CUL1: variants seen among roughly 807,000 people sequenced by gnomAD.
The protein encoded by CUL1 is cullin 1, also known as cullin-1.
CUL1 carries 24 observed loss-of-function variants against 118.0 expected under a neutral mutation model. That is an observed-to-expected ratio of 0.20 (90% CI 0.15 to 0.29). The LOEUF (loss-of-function observed/expected upper bound fraction) is 0.29. CUL1 is among the 10% of genes least tolerant of loss of function. The pLI is 1.00. For missense variants in CUL1, 361 were observed against 933.8 expected, an observed-to-expected ratio of 0.39 and a Z score of 7.99; for synonymous variants, 332 against 340.4, an observed-to-expected ratio of 0.98 and a Z score of 0.27.
intron 2 of CUL1, among the ~76,000 whole-genome samples, chr7:148,734,944 C>A (rs1198905442): frequency 6.6e-6 from 1 of 152,042 alleles, no homozygotes; most frequent in Non-Finnish European, 1.5e-5. Flanking sequence ...AATAAATGTT[C>A]ATGAACTTTG....
chr7:148,728,075 GA>G (rs1798644152), intron 1 of CUL1, among the ~76,000 whole-genome samples: 1 of 152,106 alleles, frequency 6.6e-6, no homozygotes, highest in African/African-American at 2.4e-5. Flanking sequence ...TGGCGAGGAT[GA>G]TTACTAGAGG....
intron 2 of CUL1, among the ~76,000 whole-genome samples, chr7:148,748,064 A>G (rs554411815): frequency 1.3e-3 from 205 of 152,358 alleles, no homozygotes; most frequent in African/African-American, 4.8e-3. Flanking sequence ...TCAAGAATGT[A>G]TAACTCCAAA....
chr7:148,737,592 T>A (rs1584779555), intron 2 of CUL1, among the ~76,000 whole-genome samples: 1 of 148,092 alleles, frequency 6.8e-6, no homozygotes, highest in African/African-American at 2.5e-5. Flanking sequence ...ATTTATTTAT[T>A]TATTTATTTA....
intron 2 of CUL1, among the ~76,000 whole-genome samples, chr7:148,743,402 C>T (rs1475509936): frequency 6.6e-6 from 1 of 152,198 alleles, no homozygotes; most frequent in Non-Finnish European, 1.5e-5. Flanking sequence ...ATGGAGGCTA[C>T]AAATCAGGGC....
chr7:148,753,930 C>A (rs771704431), intron 2 of CUL1, 46 bp from the exon 3 acceptor site: 13 of 1,394,442 alleles, frequency 9.3e-6, no homozygotes, highest in Non-Finnish European at 1.3e-5. Flanking sequence ...TGTTAATGAC[C>A]GTTAACGTCT....
In CUL1 at chr7:148,800,929, G is replaced by C. The variant is rs1429888378; in HGVS notation, c.*347G>C. 9.9e-6 allele frequency: 2 copies of C among 201,164 alleles called. No individual in the cohort carries two copies. Among genetic ancestry groups the C allele is most frequent in the Non-Finnish European group, 2.0e-5 (2 of 99,772 alleles). 12.5% of individuals were successfully genotyped at this position (201,164 alleles called of 1,614,324 possible). ...ACTTGTCACGTTGGCAGCACTTTGA[G>C]AGCAAGTCTGAGTGGACCCACATGT... On this transcript the variant is annotated 3_prime_UTR_variant, in exon 22 of 22. Transcript: ENST00000325222. This position sits in a 1 kb window ranked among gnomAD's most constrained non-coding sequence, Gnocchi z 4.6.
chr7:148,766,844 A>G (rs150286594), intron 8 of CUL1, 121 bp downstream of exon 8: 109 of 861,370 alleles, frequency 1.3e-4, no homozygotes, highest in Non-Finnish European at 6.9e-5. Context: ...AAAAAGATGC[A>G]TGTGTTTGTA....
chr7:148,766,852 G>A (rs1800022339), intron 8 of CUL1, 129 bp downstream of exon 8: 1 of 803,772 alleles, frequency 1.2e-6, no homozygotes, highest in Non-Finnish European at 1.9e-6. Context: ...GCATGTGTTT[G>A]TACATCGTTA....
intron 2 of CUL1, among the ~76,000 whole-genome samples, chr7:148,734,043 A>G (rs1291537531): frequency 6.6e-6 from 1 of 151,972 alleles, no homozygotes; most frequent in Admixed American, 6.5e-5. Flanking sequence ...AAAAAAAAGA[A>G]AAGAAAAGAA....
At chr7:148,726,220 G>A (rs539786370) in intron 1 of CUL1, among the ~76,000 whole-genome samples, 1 of 152,300 alleles carries the variant, frequency 6.6e-6, no homozygotes, top group Middle Eastern at 3.4e-3. Context: ...CATATTTGAT[G>A]TGCTTATGCT....
At chr7:148,788,767 G>T in intron 14 of CUL1, 93 bp downstream of exon 14, 1 of 802,618 alleles carries the variant, frequency 1.2e-6, no homozygotes, top group Non-Finnish European at 2.0e-6. Flanking sequence ...GATGGGAGGG[G>T]CTTTGTCAGA....
At chr7:148,796,024 C>CACTGTTGAGTGGATGTGGT (rs57247452) in intron 17 of CUL1, among the ~76,000 whole-genome samples, 1 of 151,906 alleles carries the variant, frequency 6.6e-6, no homozygotes, top group Non-Finnish European at 1.5e-5. Context: ...GAATTTGTGG[C>CACTGTTGAGTGGATGTGGT]AAGAACAAGC....
Position 148,703,669 on chromosome 7 carries a change from A to G in CUL1, c.-162+4640A>G, listed in dbSNP as rs527251067. On this transcript the variant is annotated intron_variant, in intron 1 of 21. Coordinates refer to ENST00000325222, the MANE Select transcript of CUL1 (RefSeq NM_003592.3). ...TGCCTCAGCCTCCCGAGTAGCTGGG[A>G]TTACGGTGCCTGCCACTACACCCAG... Among the ~76,000 whole-genome samples the G allele has an allele frequency of 7.1e-4, 108 of 151,778 alleles. No homozygotes were observed. In the East Asian group the frequency reaches 0.019, roughly 27 times the overall value.
chr7:148,701,066 C>G (rs1022913237), intron 1 of CUL1, among the ~76,000 whole-genome samples: 10 of 152,140 alleles, frequency 6.6e-5, no homozygotes, highest in African/African-American at 2.4e-4. Context: ...TTGTGAATTC[C>G]TCCAGCGCAG....
chr7:148,778,337 T>C (rs1014605720), intron 9 of CUL1, among the ~76,000 whole-genome samples: 24 of 152,194 alleles, frequency 1.6e-4, no homozygotes, highest in African/African-American at 5.8e-4. Flanking sequence ...ATTAATGTTT[T>C]CCCCTGAGCA....
chr7:148,759,373 G>T lies in CUL1; in HGVS notation c.534+19G>T. 2.5e-6 allele frequency: 4 copies of T among 1,613,004 alleles called. No homozygotes were observed. The highest frequency in any genetic ancestry group is 3.4e-6 in the Non-Finnish European group (4 of 1,179,192). ...TAAACAGGTACCTACTGGTGTGAGC[G>T]TGTGCATGTTCCTTTTAAAATCCCT... On this transcript the variant is annotated intron_variant, in intron 5 of 21. Coordinates refer to ENST00000325222, the MANE Select transcript of CUL1 (RefSeq NM_003592.3).
At chr7:148,749,389 C>T (rs1799409369) in intron 2 of CUL1, among the ~76,000 whole-genome samples, 1 of 119,936 alleles carries the variant, frequency 8.3e-6, no homozygotes, top group African/African-American at 3.3e-5. Flanking sequence ...GCTCTCCAGC[C>T]TGGGCAACAG....
At chr7:148,749,415 CAAAAAA>C (rs61460309) in intron 2 of CUL1, among the ~76,000 whole-genome samples, 12 of 56,460 alleles carry the variant, frequency 2.1e-4, no homozygotes, top group Admixed American at 2.0e-3. Flanking sequence ...GACTCCATCT[CAAAAAA>C]AAAAAAAAAA....
intron 3 of CUL1, among the ~76,000 whole-genome samples, chr7:148,755,179 G>A (rs1799616575): frequency 1.3e-5 from 2 of 152,158 alleles, no homozygotes; most frequent in Admixed American, 1.3e-4. Context: ...GTGTGGTGGA[G>A]TCTTTTCCCC....
Sources: gnomAD v4.1 joint callset for allele counts (sites outside exome capture counted in the v4.1 genomes callset) on GRCh38, gnomAD v4.1.1 for gene constraint, Gnocchi (gnomAD v3.1) non-coding constraint, MANE v1.5 for transcripts, NCBI Gene and HGNC (gene_info 2026-07-23, HGNC 2026-07-21) for gene names.